The following BHMT variants were observed in gnomAD, a reference collection of about 807,000 sequenced individuals.
The protein encoded by BHMT is betaine--homocysteine S-methyltransferase 1.
In BHMT, 38 loss-of-function variants were observed where a neutral mutation model predicts 49.5. The ratio of observed to expected loss-of-function variants is 0.77; its 90% confidence interval spans 0.59 to 1.01. BHMT has a LOEUF of 1.01. BHMT is among the 50% of genes least tolerant of loss of function. The pLI is 0.00. For synonymous variants in BHMT, 166 were observed against 176.3 expected, an observed-to-expected ratio of 0.94 and a Z score of 0.46; for missense variants, 426 against 495.7, an observed-to-expected ratio of 0.86 and a Z score of 1.34.
intron 6 of BHMT, among the ~76,000 whole-genome samples, chr5:79,127,071 G>C (rs958598141): frequency 2.6e-5 from 4 of 152,134 alleles, no homozygotes; most frequent in African/African-American, 9.7e-5. Flanking sequence ...AAATGTAGTG[G>C]CTTGAAAAAC....
chr5:79,120,775 A>G (rs141295937), intron 4 of BHMT, among the ~76,000 whole-genome samples: 14 of 152,328 alleles, frequency 9.2e-5, no homozygotes, highest in Admixed American at 2.6e-4. Flanking sequence ...ATTCTATTTC[A>G]TTTTAAAAAT....
chr5:79,115,688 T>C (rs906412504), intron 1 of BHMT, 79 bp from the exon 2 acceptor site: 72 of 1,422,814 alleles, frequency 5.1e-5, no homozygotes, highest in Non-Finnish European at 6.3e-5. Flanking sequence ...TCCAAGAATA[T>C]GTTAGCAAAA....
chr5:79,117,046 A>G (rs1756396187), intron 2 of BHMT, among the ~76,000 whole-genome samples: 2 of 152,180 alleles, frequency 1.3e-5, no homozygotes, highest in South Asian at 4.1e-4. Context: ...CCTTTCTGAT[A>G]ATTGCCCCCA....
rs376740928 is a variant in BHMT at position 79,130,905 on chromosome 5, T to C, written c.1038-28T>C. On this transcript the variant is annotated intron_variant, in intron 7 of 7. Coordinates refer to ENST00000274353, the MANE Select transcript of BHMT (RefSeq NM_001713.3). ...CCAAAGCTAGGGGAGGAGTCTGTTG[T>C]CTGGTGTCATGTGTTTTGTTCACAC... 15 of 1,560,566 alleles carry C rather than the reference T, an allele frequency of 9.6e-6. No homozygotes were observed. In the African/African-American group the frequency reaches 1.9e-4, roughly 20 times the overall value.
rs917225572 is a variant in BHMT at position 79,125,977 on chromosome 5, A to G, written c.626-69A>G. 3 of 1,463,176 alleles carry G rather than the reference A, an allele frequency of 2.1e-6. No individual in the cohort carries two copies. In the African/African-American group the frequency reaches 4.3e-5, roughly 21 times the overall value. 90.6% of individuals were successfully genotyped at this position (1,463,176 alleles called of 1,614,324 possible). A position where few individuals can be genotyped will look rare whatever the true frequency, so the allele number is the denominator to read the frequency against. On this transcript the variant is annotated intron_variant, in intron 5 of 7. Coordinates refer to ENST00000274353, the MANE Select transcript of BHMT (RefSeq NM_001713.3). Reference sequence around the variant, plus strand: ...AAAAAGAACTTCCTGATTCCTGATGAAGAGAGGAGAGCTGGCCCTGCTGGT... The same window carrying G: ...AAAAAGAACTTCCTGATTCCTGATGGAGAGAGGAGAGCTGGCCCTGCTGGT...
intron 1 of BHMT, among the ~76,000 whole-genome samples, chr5:79,112,269 C>T (rs773450707): frequency 3.3e-5 from 5 of 152,230 alleles, no homozygotes; most frequent in African/African-American, 4.8e-5. Context: ...CTGGGTGTCC[C>T]CAGAACTCCG....
rs573421389 is a variant in BHMT at position 79,116,894 on chromosome 5, A to G, written c.166+995A>G. ...AGGAACCTTGTGGTCAGGAAAAAGT[A>G]GGTGAAAGGATACTCAAATTACCAG... On this transcript the variant is annotated intron_variant, in intron 2 of 7. Transcript: ENST00000274353. 8.3e-4 allele frequency among the ~76,000 whole-genome samples: 126 copies of G among 152,338 alleles called. 1 individual carries two copies. The highest frequency in any genetic ancestry group is 3.0e-3 in the African/African-American group (123 of 41,580).
rs190356954 is a variant in BHMT, at chr5:79,127,598, G to C, written c.809-157G>C. 5.4e-4 allele frequency among the ~76,000 whole-genome samples: 82 copies of C among 152,262 alleles called. 2 individuals carry two copies. The East Asian group carries it at 0.01, about 19-fold the overall frequency. ...GCTGGATACCACAGCATGTAAAAGT[G>C]AACATACAACACAAAGTAGCAAAGT... On this transcript the variant is annotated intron_variant, in intron 6 of 7. Transcript: ENST00000274353.
In BHMT at chr5:79,111,965, G is replaced by C. The variant is rs757233100; in HGVS notation, c.33+47G>C. On this transcript the variant is annotated intron_variant, in intron 1 of 7. Coordinates refer to ENST00000274353, the MANE Select transcript of BHMT (RefSeq NM_001713.3). Reference sequence around the variant, plus strand: ...GGGCGCTCTCCTTCCCCTCCCACCTGCTCTGTATCCCAGCCTCTGGGAGCG... The same window carrying C: ...GGGCGCTCTCCTTCCCCTCCCACCTCCTCTGTATCCCAGCCTCTGGGAGCG... The C allele has an allele frequency of 3.3e-6, 5 of 1,525,874 alleles. No homozygotes were observed. In the African/African-American group the frequency reaches 5.6e-5, roughly 17 times the overall value. The allele number at this position is 1,525,874 out of a possible 1,614,324, so 94.5% of individuals were successfully genotyped here.
chr5:79,119,665 C>T (rs958611776), intron 3 of BHMT: 10 of 261,102 alleles, frequency 3.8e-5, no homozygotes, highest in Admixed American at 2.0e-4. Flanking sequence ...CAAATTCTTT[C>T]GTCCTTAATG....
intron 3 of BHMT, among the ~76,000 whole-genome samples, chr5:79,120,052 T>G (rs1756443173): frequency 6.6e-6 from 1 of 152,220 alleles, no homozygotes; most frequent in Non-Finnish European, 1.5e-5. Context: ...CTCTTCTAAG[T>G]GCATCTCAGG....
rs1424905035 is a variant in BHMT at position 79,120,425 on chromosome 5, G to A, written c.361G>A (p.Gly121Arg). Residue 121 changes from glycine (G) to arginine (R), a missense_variant, in exon 4 of 8, where the codon GGA becomes AGA. Around this residue, in one of 3 missense-constraint regions of BHMT, gnomAD observed 321 missense variants for 355.9 expected, o/e 0.90. Transcript: ENST00000274353. Reference protein sequence around the residue: ...ADEGDALVAGGVSQTPSYLSC... With the variant: ...ADEGDALVAGRVSQTPSYLSC... ...TGAAGGAGATGCTTTGGTAGCAGGA[G>A]GAGTGAGTCAGACACCTTCATACCT... 3 of 1,613,984 alleles carry A rather than the reference G, an allele frequency of 1.9e-6. No homozygotes were observed. In the East Asian group the frequency reaches 6.7e-5, roughly 36 times the overall value.
In BHMT at chr5:79,115,941, G is replaced by A. The variant is rs752276097; in HGVS notation, c.166+42G>A. ...ATTGTAAGTTCTCATAAAGGAGCCG[G>A]GTGTGGAGGCTCATGCCTGTAATCC... On this transcript the variant is annotated intron_variant, in intron 2 of 7. Transcript: ENST00000274353. 12 of 1,558,756 alleles carry A rather than the reference G, an allele frequency of 7.7e-6. No homozygotes were observed. In the East Asian group the frequency reaches 2.3e-4, roughly 30 times the overall value.
Position 79,115,893 on chromosome 5 carries a change from GA to G in BHMT, c.162del (p.Ala55GlnfsTer37), listed in dbSNP as rs1580268517. Reference protein sequence around the residue: ...WTPEAAVEHPEAVRQLHREFL... With the variant: ...WTPEAAVEHPXAVRQLHREFL... ...TCCTGAAGCTGCTGTGGAGCACCCA[GA>G]AGCAGGTTGGTGCAGAGCTCTATTG... On this transcript the variant is annotated frameshift_variant, in exon 2 of 8. Coordinates refer to ENST00000274353, the MANE Select transcript of BHMT (RefSeq NM_001713.3). LOFTEE classifies it high-confidence loss of function. 6.2e-6 allele frequency: 10 copies of G among 1,613,156 alleles called. No homozygotes were observed. Among genetic ancestry groups the G allele is most frequent in the Non-Finnish European group, 8.5e-6 (10 of 1,179,644 alleles).
rs1756646609 is a variant in BHMT at position 79,131,753 on chromosome 5, C to T, written c.*637C>T. The T allele has an allele frequency of 6.6e-6, 1 of 152,186 alleles. No homozygotes were observed. The highest frequency in any genetic ancestry group is 1.5e-5 in the Non-Finnish European group (1 of 68,052). The allele number at this position is 152,186 out of a possible 1,614,324, so 9.4% of individuals were successfully genotyped here. A position where few individuals can be genotyped will look rare whatever the true frequency, so the allele number is the denominator to read the frequency against. The stretch of plus-strand genomic sequence containing the variant: ...GTTTGAAAAATATTGCTACAAGACA[C>T]TTAAGGAGACCATCCTGTTTAAGTT... On this transcript the variant is annotated 3_prime_UTR_variant, in exon 8 of 8. Transcript: ENST00000274353.
rs952592924 is a variant in BHMT, at chr5:79,128,580, T to C, written c.1037+597T>C. 2.0e-5 allele frequency among the ~76,000 whole-genome samples: 3 copies of C among 149,214 alleles called. No homozygotes were observed. The South Asian group carries it at 6.5e-4, about 33-fold the overall frequency. ...GCATGTAAATAAACGTAAGTGGCAA[T>C]GAAATGTGATTTTGTGCTCTAGTAA... On this transcript the variant is annotated intron_variant, in intron 7 of 7. Transcript: ENST00000274353.
At chr5:79,117,926 G>A (rs1756411480) in intron 2 of BHMT, among the ~76,000 whole-genome samples, 1 of 151,910 alleles carries the variant, frequency 6.6e-6, no homozygotes, top group South Asian at 2.1e-4. Flanking sequence ...ATCTTACAAT[G>A]GCAGTTTTTG....
At chr5:79,116,038 G>C in intron 2 of BHMT, 139 bp downstream of exon 2, 2 of 1,094,414 alleles carry the variant, frequency 1.8e-6, no homozygotes, top group Non-Finnish European at 2.4e-6. Context: ...GGCACATAGG[G>C]AGACCTAGTC....
chr5:79,126,430 C>T (rs534971644), intron 6 of BHMT: 2 of 524,224 alleles, frequency 3.8e-6, no homozygotes, highest in Admixed American at 7.1e-5. Context: ...TCCCAGCTAG[C>T]AAAAAAGATC....
Sources: allele counts gnomAD v4.1 joint callset (sites outside exome capture counted in the v4.1 genomes callset), GRCh38; gene constraint gnomAD v4.1.1; regional missense constraint gnomAD v4.1.1; transcripts MANE v1.5; gene names NCBI Gene and HGNC (gene_info 2026-07-23, HGNC 2026-07-21).